The following NR2F1-AS1 variants were observed in gnomAD, a reference collection of about 807,000 sequenced individuals.
The protein encoded by NR2F1-AS1 is NR2F1 antisense RNA 1.
At chr5:93,486,652 A>C (rs541483028) in intron 4 of NR2F1-AS1, among the ~76,000 whole-genome samples, 4 of 152,344 alleles carry the variant, frequency 2.6e-5, no homozygotes, top group Admixed American at 2.0e-4. Context: ...TTCACAGCTG[A>C]ATTCTACCAG....
intron 4 of NR2F1-AS1, among the ~76,000 whole-genome samples, chr5:93,490,140 G>A (rs1440945397): frequency 1.3e-5 from 2 of 152,008 alleles, no homozygotes; most frequent in Non-Finnish European, 2.9e-5. Context: ...TGAATAGAAT[G>A]TTATAAAGAT....
At chr5:93,564,734 A>T (rs903479657) in intron 1 of NR2F1-AS1, among the ~76,000 whole-genome samples, 1 of 152,228 alleles carries the variant, frequency 6.6e-6, no homozygotes, top group African/African-American at 2.4e-5. Flanking sequence ...AGACATATAC[A>T]TGTAAAAAGA....
intron 4 of NR2F1-AS1, among the ~76,000 whole-genome samples, chr5:93,504,169 G>T (rs531157719): frequency 6.6e-6 from 1 of 152,188 alleles, no homozygotes; most frequent in South Asian, 2.1e-4. Flanking sequence ...TTGTTATTCA[G>T]AAGCCATAAA....
At chr5:93,501,228 G>A (rs1751071932) in intron 4 of NR2F1-AS1, among the ~76,000 whole-genome samples, 1 of 151,262 alleles carries the variant, frequency 6.6e-6, no homozygotes, top group South Asian at 2.1e-4. Context: ...TGACTGAATT[G>A]CTGTAATCTT....
chr5:93,546,738 T>C (rs1158572457), intron 4 of NR2F1-AS1, among the ~76,000 whole-genome samples: 1 of 152,220 alleles, frequency 6.6e-6, no homozygotes, highest in Non-Finnish European at 1.5e-5. Flanking sequence ...TAGCCATTTC[T>C]GTGACTTGTG....
chr5:93,419,881 C>T (rs545579585), intron 4 of NR2F1-AS1, among the ~76,000 whole-genome samples: 2 of 152,204 alleles, frequency 1.3e-5, no homozygotes, highest in Middle Eastern at 6.8e-3. Flanking sequence ...ATCCAAAACA[C>T]ACATGGCTAA....
chr5:93,499,294 G>A (rs554524432), intron 4 of NR2F1-AS1, among the ~76,000 whole-genome samples: 1 of 152,266 alleles, frequency 6.6e-6, no homozygotes, highest in South Asian at 2.1e-4. Flanking sequence ...TCACTTTACT[G>A]AGCTTTACAG....
intron 4 of NR2F1-AS1, among the ~76,000 whole-genome samples, chr5:93,546,674 G>A (rs535378934): frequency 3.3e-5 from 5 of 152,180 alleles, no homozygotes; most frequent in African/African-American, 7.2e-5. Context: ...GATCGTTTTC[G>A]TTTCAAGGAA....
chr5:93,556,309 G>A (rs1048338274), intron 2 of NR2F1-AS1, among the ~76,000 whole-genome samples: 62 of 152,144 alleles, frequency 4.1e-4, no homozygotes, highest in Non-Finnish European at 2.2e-4. Flanking sequence ...TATAAGAACA[G>A]ACTAGTGCAA....
chr5:93,508,624 T>C (rs978607714), intron 4 of NR2F1-AS1, among the ~76,000 whole-genome samples: 1 of 152,050 alleles, frequency 6.6e-6, no homozygotes, highest in Non-Finnish European at 1.5e-5. Flanking sequence ...ACAGTAAGTT[T>C]TGAAACCTCT....
intron 4 of NR2F1-AS1, among the ~76,000 whole-genome samples, chr5:93,434,379 C>A (rs184872922): frequency 6.6e-6 from 1 of 152,102 alleles, no homozygotes; most frequent in Non-Finnish European, 1.5e-5. Flanking sequence ...TTTCAGGCAT[C>A]GTATAAAGAA....
chr5:93,569,114 C>G (rs544992719), intron 1 of NR2F1-AS1, among the ~76,000 whole-genome samples: 21 of 152,212 alleles, frequency 1.4e-4, no homozygotes, highest in Non-Finnish European at 1.2e-4. Context: ...ACACACGCAC[C>G]CACACACCTC....
At chr5:93,559,445 T>C (rs1358982958) in intron 2 of NR2F1-AS1, among the ~76,000 whole-genome samples, 5 of 152,252 alleles carry the variant, frequency 3.3e-5, no homozygotes, top group Non-Finnish European at 5.9e-5. Context: ...TGCTTTTTTG[T>C]TTGTGTTTTC....
intron 4 of NR2F1-AS1, among the ~76,000 whole-genome samples, chr5:93,463,126 A>G (rs1227531401): frequency 6.6e-6 from 1 of 152,220 alleles, no homozygotes; most frequent in African/African-American, 2.4e-5. Context: ...CCAGAGACCT[A>G]GGAGGAAAAA....
chr5:93,518,774 G>C (rs901201317), intron 4 of NR2F1-AS1, among the ~76,000 whole-genome samples: 5 of 151,996 alleles, frequency 3.3e-5, no homozygotes. Flanking sequence ...ACATAATATA[G>C]GGTGGTAGCA....
chr5:93,475,524 C>G (rs537264938), intron 4 of NR2F1-AS1, among the ~76,000 whole-genome samples: 11 of 152,292 alleles, frequency 7.2e-5, no homozygotes, highest in African/African-American at 2.6e-4. Flanking sequence ...GTACAGCACA[C>G]CCTAGAAGGG....
chr5:93,451,938 A>G (rs923615496), intron 4 of NR2F1-AS1, among the ~76,000 whole-genome samples: 3 of 152,248 alleles, frequency 2.0e-5, no homozygotes, highest in African/African-American at 7.2e-5. Flanking sequence ...ATGTATTTAC[A>G]TAATTGTAAG....
At chr5:93,493,825 C>G (rs1167409570) in intron 4 of NR2F1-AS1, among the ~76,000 whole-genome samples, 4 of 151,758 alleles carry the variant, frequency 2.6e-5, no homozygotes, top group African/African-American at 9.7e-5. Context: ...TACCTCACTC[C>G]TTATTAAAAG....
At chr5:93,482,147 C>T (rs1057220621) in intron 4 of NR2F1-AS1, among the ~76,000 whole-genome samples, 20 of 152,024 alleles carry the variant, frequency 1.3e-4, no homozygotes, top group Admixed American at 8.5e-4. Flanking sequence ...TAGAAATTAT[C>T]GGGGTGGCTA....
Sources: allele counts gnomAD v4.1 joint callset (sites outside exome capture counted in the v4.1 genomes callset), GRCh38; gene constraint gnomAD v4.1.1; transcripts MANE v1.5; gene names NCBI Gene and HGNC (gene_info 2026-07-23, HGNC 2026-07-21).